PIAS1: variants seen among roughly 807,000 people sequenced by gnomAD.
PIAS1 encodes the protein E3 SUMO-protein ligase PIAS1.
A neutral mutation model predicts 71.3 loss-of-function variants in PIAS1; 6 were observed. The ratio of observed to expected loss-of-function variants is 0.08; its 90% CI spans 0.05 to 0.17. The LOEUF (loss-of-function observed/expected upper bound fraction) is 0.17, where lower values mean the gene tolerates loss of function less well. Among genes scored for constraint, PIAS1 ranks in the 10% least tolerant of loss-of-function variants. The probability of loss-of-function intolerance (pLI) is 1.00; values close to 1 mark genes in which losing one functional copy is unlikely to be tolerated. For synonymous variants in PIAS1, 303 were observed against 292.9 expected (o/e 1.03, Z -0.35); for missense variants, 555 against 793.6 (o/e 0.70, Z 3.61).
chr15:68,167,794 C>A lies in PIAS1; in HGVS notation c.1008+2990C>A, dbSNP rs746237543. Among the ~76,000 whole-genome samples the A allele has an allele frequency of 6.6e-6, 1 of 151,668 alleles. No individual in the cohort carries two copies. Among genetic ancestry groups the A allele is most frequent in the Non-Finnish European group, 1.5e-5 (1 of 67,908 alleles). On this transcript the variant is annotated intron_variant, in intron 8 of 13. Coordinates refer to ENST00000249636, the MANE Select transcript of PIAS1 (RefSeq NM_016166.3). The surrounding 1 kb of genome is among the most constrained non-coding windows in gnomAD (Gnocchi z 4.4). The stretch of plus-strand genomic sequence containing the variant: ...GATCTTGGCTCACTGCAACCTCCAC[C>A]TCCCAGGTTCAAGCAATTCCTCTGC...
At chr15:68,099,861 A>G (rs150374811) in intron 2 of PIAS1, among the ~76,000 whole-genome samples, 1 of 152,066 alleles carries the variant, frequency 6.6e-6, no homozygotes, top group Non-Finnish European at 1.5e-5. Flanking sequence ...GTTTTAATTT[A>G]CATTTTCCTA....
intron 1 of PIAS1, among the ~76,000 whole-genome samples, chr15:68,067,658 TGA>T (rs2140961060): frequency 6.6e-6 from 1 of 152,210 alleles, no homozygotes; most frequent in East Asian, 1.9e-4. Context: ...AGATTTATAT[TGA>T]GTGGTAGTAG....
chr15:68,080,688 T>C (rs572589373), intron 1 of PIAS1, among the ~76,000 whole-genome samples: 6 of 152,384 alleles, frequency 3.9e-5, no homozygotes, highest in African/African-American at 1.4e-4. Flanking sequence ...TTTGTTGTTG[T>C]GTGCAAGCTT....
Position 68,086,441 on chromosome 15 carries a change from C to G in PIAS1, c.160C>G (p.Gln54Glu). 2 of 1,613,850 alleles carry G rather than the reference C, an allele frequency of 1.2e-6. No homozygotes were observed. The highest frequency in any genetic ancestry group is 1.7e-6 in the Non-Finnish European group (2 of 1,179,838). Residue 54 changes from glutamine to glutamate, a missense_variant, in exon 2 of 14, where the codon CAA becomes GAA. Gln to Glu is a conservative substitution (Grantham distance 29). Coordinates refer to ENST00000249636, the MANE Select transcript of PIAS1 (RefSeq NM_016166.3). The surrounding 1 kb of genome is among the most constrained non-coding windows in gnomAD (Gnocchi z 7.2). ...LLKAGCSPAV[Q>E]MKIKELYRRR... ...AAAGGCTGGCTGTAGTCCTGCTGTG[C>G]AAATGAAAATTAAGGAACTCTATAG...
chr15:68,106,604 G>T (rs1202654852), intron 2 of PIAS1, among the ~76,000 whole-genome samples: 1 of 150,412 alleles, frequency 6.6e-6, no homozygotes, highest in African/African-American at 2.5e-5. Context: ...ACCTTTGTCT[G>T]CCCCCTCCTT....
At chr15:68,146,745 G>C (rs776653961) in intron 6 of PIAS1, 45 bp downstream of exon 6, 172 of 1,432,524 alleles carry the variant, frequency 1.2e-4, no homozygotes, top group Admixed American at 5.2e-5. Flanking sequence ...TTATAAGGAG[G>C]GGTTAATCAC....
rs2092280892 is a variant in PIAS1, at chr15:68,086,296, T to C, written c.25-10T>C. The C allele has an allele frequency of 1.9e-6, 3 of 1,538,776 alleles. No individual in the cohort carries two copies. The highest frequency in any genetic ancestry group is 2.6e-6 in the Non-Finnish European group (3 of 1,140,420). On this transcript the variant is annotated splice_polypyrimidine_tract_variant and intron_variant, in intron 1 of 13. Coordinates refer to ENST00000249636, the MANE Select transcript of PIAS1 (RefSeq NM_016166.3). The surrounding 1 kb of genome is among the most constrained non-coding windows in gnomAD (Gnocchi z 7.2). ...AATACTAATGTTTTACATTTTGTTT[T>C]TTCTCTAAGCAAATGGTTATGAGCC...
intron 2 of PIAS1, among the ~76,000 whole-genome samples, chr15:68,128,820 C>A (rs1595748528): frequency 6.6e-6 from 1 of 151,762 alleles, no homozygotes; most frequent in East Asian, 1.9e-4. Context: ...TGTAGAAAAT[C>A]AAATTAGTAG....
chr15:68,164,210 A>G (rs1457632659), intron 7 of PIAS1, among the ~76,000 whole-genome samples: 1 of 152,172 alleles, frequency 6.6e-6, no homozygotes, highest in Non-Finnish European at 1.5e-5. Context: ...AAATAATTGT[A>G]TAGTTAAAAA....
At chr15:68,079,876 A>T (rs534408129) in intron 1 of PIAS1, among the ~76,000 whole-genome samples, 5 of 152,084 alleles carry the variant, frequency 3.3e-5, no homozygotes, top group Admixed American at 6.6e-5. Context: ...GTTGTTGCCC[A>T]GGCTGGAGTA....
At chr15:68,093,321 G>A (rs772657881) in intron 2 of PIAS1, among the ~76,000 whole-genome samples, 2 of 152,230 alleles carry the variant, frequency 1.3e-5, no homozygotes, top group African/African-American at 2.4e-5. Flanking sequence ...ACTAACATAA[G>A]CAAGTTTGAG....
chr15:68,177,326 G>C (rs1225082749), intron 11 of PIAS1, among the ~76,000 whole-genome samples: 1 of 146,718 alleles, frequency 6.8e-6, no homozygotes, highest in East Asian at 2.1e-4. Flanking sequence ...TTCTAGTTAA[G>C]TTCCCAGGTG....
At chr15:68,100,930 C>G (rs138605150) in intron 2 of PIAS1, among the ~76,000 whole-genome samples, 24 of 149,158 alleles carry the variant, frequency 1.6e-4, no homozygotes, top group African/African-American at 5.4e-4. Flanking sequence ...AGGTCTCGCT[C>G]TGTCACCCAG....
At chr15:68,091,588 T>C (rs2092332902) in intron 2 of PIAS1, among the ~76,000 whole-genome samples, 1 of 152,188 alleles carries the variant, frequency 6.6e-6, no homozygotes, top group South Asian at 2.1e-4. Flanking sequence ...GGCCAACATG[T>C]ATAGAACAGA....
intron 2 of PIAS1, among the ~76,000 whole-genome samples, chr15:68,095,206 CT>C (rs2092363588): frequency 6.6e-6 from 1 of 151,950 alleles, no homozygotes; most frequent in Admixed American, 6.6e-5. Context: ...CATTTAAGAT[CT>C]TACTGGGATC....
Position 68,178,300 on chromosome 15 carries a change from C to T in PIAS1, c.1481+1646C>T, listed in dbSNP as rs748542737. Among the ~76,000 whole-genome samples the T allele has an allele frequency of 1.3e-5, 2 of 152,160 alleles. No individual in the cohort carries two copies. The highest frequency in any genetic ancestry group is 4.8e-5 in the African/African-American group (2 of 41,432). ...AAAATAAGATTTCAGTCAAACATTT[C>T]ACACATCGGTATTTTCATTCTACAG... On this transcript the variant is annotated intron_variant, in intron 11 of 13. Transcript: ENST00000249636. This position sits in a 1 kb window ranked among gnomAD's most constrained non-coding sequence, Gnocchi z 4.2.
chr15:68,150,091 T>A (rs1186786542), intron 6 of PIAS1, among the ~76,000 whole-genome samples: 2 of 152,168 alleles, frequency 1.3e-5, no homozygotes, highest in African/African-American at 2.4e-5. Context: ...TTCCTTTAAC[T>A]CATATGTCAC....
chr15:68,153,024 T>C lies in PIAS1; in HGVS notation c.829-566T>C, dbSNP rs548868533. 4.6e-5 allele frequency among the ~76,000 whole-genome samples: 7 copies of C among 152,024 alleles called. No homozygotes were observed. In the East Asian group the frequency reaches 1.2e-3, roughly 25 times the overall value. On this transcript the variant is annotated intron_variant, in intron 6 of 13. Transcript: ENST00000249636. ...TTCTGTTTGAAAACCTTCTTTAATA[T>C]TCCCTCTGCTTGTTGTGATAATGGC...
At chr15:68,105,622 T>C (rs2092461983) in intron 2 of PIAS1, among the ~76,000 whole-genome samples, 1 of 152,116 alleles carries the variant, frequency 6.6e-6, no homozygotes, top group Non-Finnish European at 1.5e-5. Flanking sequence ...TCACCTCTAG[T>C]TTTACCCCAG....
Sources: gnomAD v4.1 joint callset for allele counts (sites outside exome capture counted in the v4.1 genomes callset) on GRCh38, gnomAD v4.1.1 for gene constraint, Gnocchi (gnomAD v3.1) non-coding constraint, MANE v1.5 for transcripts, NCBI Gene and HGNC (gene_info 2026-07-23, HGNC 2026-07-21) for gene names.